The following NELL1 variants were observed in gnomAD, a reference collection of about 807,000 sequenced individuals.
NELL1 encodes neural EGFL like 1.
In NELL1, 76 loss-of-function variants were observed where a neutral mutation model predicts 107.4. That is an observed-to-expected ratio of 0.71 (90% CI 0.59 to 0.86). The LOEUF (loss-of-function observed/expected upper bound fraction) is 0.86, where lower values mean the gene tolerates loss of function less well. Among genes scored for constraint, NELL1 ranks in the 40% least tolerant of loss-of-function variants. The pLI is 0.00. For missense variants in NELL1, 1,024 were observed against 1,005.5 expected (o/e 1.02, Z -0.25); for synonymous variants, 353 against 341.2 (o/e 1.03, Z -0.38).
intron 16 of NELL1, among the ~76,000 whole-genome samples, chr11:21,538,561 A>C (rs1856204033): frequency 6.6e-6 from 1 of 152,114 alleles, no homozygotes; most frequent in African/African-American, 2.4e-5. Context: ...CCAGGAGAAA[A>C]TAGTACACAA....
At chr11:20,681,529 C>T (rs1448594279) in intron 2 of NELL1, among the ~76,000 whole-genome samples, 1 of 152,008 alleles carries the variant, frequency 6.6e-6, no homozygotes, top group Non-Finnish European at 1.5e-5. Flanking sequence ...CTACCAAGCT[C>T]CTTAAAAATT....
intron 15 of NELL1, among the ~76,000 whole-genome samples, chr11:21,381,904 A>ATT (rs149327802): frequency 4.0e-4 from 37 of 91,366 alleles, no homozygotes; most frequent in African/African-American, 1.1e-3. Context: ...CCTGGAAGGG[A>ATT]TTTTTTTTTT....
At chr11:20,975,741 A>G (rs1380380616) in intron 12 of NELL1, among the ~76,000 whole-genome samples, 14 of 101,482 alleles carry the variant, frequency 1.4e-4, no homozygotes, top group Admixed American at 1.2e-3. Flanking sequence ...TAATGTATGT[A>G]TTATATAATA....
At chr11:21,407,158 G>A (rs1852256109) in intron 15 of NELL1, among the ~76,000 whole-genome samples, 1 of 152,044 alleles carries the variant, frequency 6.6e-6, no homozygotes, top group Admixed American at 6.6e-5. Context: ...GCTCATACCT[G>A]TAATCCCAGC....
intron 16 of NELL1, among the ~76,000 whole-genome samples, chr11:21,549,347 T>C (rs76178539): frequency 0.019 from 2,838 of 151,990 alleles, 99 homozygotes; most frequent in African/African-American, 0.065. Context: ...TAAATCTCTG[T>C]TATATCAAAA....
Position 20,928,375 on chromosome 11 carries a change from A to T in NELL1, c.895-2A>T. On this transcript the variant is annotated splice_acceptor_variant, in intron 8 of 19. Coordinates refer to ENST00000357134, the MANE Select transcript of NELL1 (RefSeq NM_006157.5). LOFTEE classifies it high-confidence loss of function. The stretch of plus-strand genomic sequence containing the variant: ...TTATGTTCCATGTCCTTCCTTCCTC[A>T]GAGTGGTGCCGTGGAATGCCGAAGG... 1.2e-6 allele frequency: 2 copies of T among 1,613,006 alleles called. No homozygotes were observed. The highest frequency in any genetic ancestry group is 1.7e-6 in the Non-Finnish European group (2 of 1,179,044).
intron 2 of NELL1, among the ~76,000 whole-genome samples, chr11:20,697,787 G>A (rs1272630005): frequency 6.6e-6 from 1 of 152,140 alleles, no homozygotes; most frequent in African/African-American, 2.4e-5. Flanking sequence ...GTCTTTGGGG[G>A]AGGTGGCACC....
intron 13 of NELL1, among the ~76,000 whole-genome samples, chr11:21,118,093 G>T (rs1345776881): frequency 6.6e-6 from 1 of 151,978 alleles, no homozygotes; most frequent in Non-Finnish European, 1.5e-5. Flanking sequence ...AGCTATGTAG[G>T]TATTCTCAAA....
intron 13 of NELL1, among the ~76,000 whole-genome samples, chr11:21,219,021 C>T (rs1857686932): frequency 6.6e-6 from 1 of 152,110 alleles, no homozygotes; most frequent in Non-Finnish European, 1.5e-5. Flanking sequence ...ATTGCTGGAT[C>T]ACACAGTGGT....
intron 2 of NELL1, among the ~76,000 whole-genome samples, chr11:20,756,214 T>A (rs548887919): frequency 1.3e-5 from 2 of 152,202 alleles, no homozygotes; most frequent in East Asian, 3.9e-4. Flanking sequence ...AAGTTCAATA[T>A]GATCCAGAGG....
At position 20,814,376 on chromosome 11, in the gene NELL1, G is replaced by T. The variant is rs117204204; in HGVS notation, c.335+30546G>T. 7.0e-4 allele frequency among the ~76,000 whole-genome samples: 107 copies of T among 152,310 alleles called. 1 individual carries two copies. The East Asian group carries it at 0.016, about 22-fold the overall frequency. On this transcript the variant is annotated intron_variant, in intron 3 of 19. Transcript: ENST00000357134. Reference sequence around the variant, plus strand: ...GCATATTGTGTGATGCTGAGGTTTGGAGTACAACTGATCCTGTCACCCAGG... The same window carrying T: ...GCATATTGTGTGATGCTGAGGTTTGTAGTACAACTGATCCTGTCACCCAGG...
At chr11:21,552,834 C>G (rs546991881) in intron 16 of NELL1, among the ~76,000 whole-genome samples, 72 of 151,874 alleles carry the variant, frequency 4.7e-4, no homozygotes, top group African/African-American at 1.6e-3. Context: ...AATGGTGGTT[C>G]AAATTACTGT....
At chr11:21,178,839 T>G (rs1856765233) in intron 13 of NELL1, among the ~76,000 whole-genome samples, 1 of 151,782 alleles carries the variant, frequency 6.6e-6, no homozygotes, top group Non-Finnish European at 1.5e-5. Context: ...TTAAAGGATA[T>G]TTTTGAGTAA....
At chr11:20,718,859 A>C (rs1439981130) in intron 2 of NELL1, among the ~76,000 whole-genome samples, 1 of 152,168 alleles carries the variant, frequency 6.6e-6, no homozygotes, top group Non-Finnish European at 1.5e-5. Flanking sequence ...GTATCATTCC[A>C]TATAGGCTGG....
intron 15 of NELL1, among the ~76,000 whole-genome samples, chr11:21,497,199 C>T (rs1855004147): frequency 6.6e-6 from 1 of 151,020 alleles, no homozygotes; most frequent in Non-Finnish European, 1.5e-5. Context: ...GGAGATATAC[C>T]TAATGTAAAT....
At chr11:21,492,132 A>T (rs1192210844) in intron 15 of NELL1, among the ~76,000 whole-genome samples, 3 of 152,192 alleles carry the variant, frequency 2.0e-5, no homozygotes, top group Non-Finnish European at 4.4e-5. Context: ...CAACCAAAAA[A>T]CACATGAAAA....
At chr11:21,378,803 C>T (rs1471965043) in intron 15 of NELL1, among the ~76,000 whole-genome samples, 1 of 151,224 alleles carries the variant, frequency 6.6e-6, no homozygotes, top group African/African-American at 2.4e-5. Context: ...CAGCATCCTC[C>T]ACCTCCTGGG....
At chr11:20,895,716 C>T (rs1849722103) in intron 5 of NELL1, among the ~76,000 whole-genome samples, 1 of 151,872 alleles carries the variant, frequency 6.6e-6, no homozygotes, top group South Asian at 2.1e-4. Context: ...CTGTCTTGGC[C>T]AGGCTGGTCT....
At chr11:21,072,136 C>T (rs1854030880) in intron 12 of NELL1, among the ~76,000 whole-genome samples, 1 of 152,140 alleles carries the variant, frequency 6.6e-6, no homozygotes, top group South Asian at 2.1e-4. Flanking sequence ...ACTTGTTTAG[C>T]TTTGTTGTGC....
Sources: allele counts gnomAD v4.1 joint callset (sites outside exome capture counted in the v4.1 genomes callset), GRCh38; gene constraint gnomAD v4.1.1; transcripts MANE v1.5; gene names NCBI Gene and HGNC (gene_info 2026-07-23, HGNC 2026-07-21).